Variants in DNMT3B observed in about 807,000 individuals in gnomAD.
DNMT3B encodes the protein DNA methyltransferase 3 beta, also known as DNA (cytosine-5)-methyltransferase 3B.
A neutral mutation model predicts 120.2 loss-of-function variants in DNMT3B; 37 were observed. The observed-to-expected ratio is 0.31, with a 90% CI of 0.24 to 0.40. The LOEUF is 0.40. Ranked by LOEUF, DNMT3B falls within the 10% of genes least tolerant of loss-of-function variation. The pLI, the probability that DNMT3B is intolerant of heterozygous loss-of-function variation, is 1.00. For missense variants in DNMT3B, 878 were observed against 1,137.3 expected, an observed-to-expected ratio of 0.77 and a Z score of 3.28; for synonymous variants, 412 against 442.8, an observed-to-expected ratio of 0.93 and a Z score of 0.87.
rs776835342 is a variant in DNMT3B at position 32,784,826 on chromosome 20, C to T, written c.273C>T (p.Phe91=). The change falls in exon 4 of 23, where the codon TTC becomes TTT. Residue 91 remains phenylalanine, a synonymous_variant. Transcript: ENST00000328111. ...GSDTPVMPKL[F]RETRTRSESP... ...ACACCCCAGTCATGCCAAAGCTCTT[C>T]CGGGAAACCAGGACTCGTTCAGAAA... 3 of 1,614,126 alleles carry T rather than the reference C, an allele frequency of 1.9e-6. No individual in the cohort carries two copies. The highest frequency in any genetic ancestry group is 1.7e-5 in the Admixed American group (1 of 60,020).
At position 32,767,118 on chromosome 20, in the gene DNMT3B, C is replaced by T. The variant is rs551138410; in HGVS notation, c.-7+4419C>T. On this transcript the variant is annotated intron_variant, in intron 1 of 22. Coordinates refer to ENST00000328111, the MANE Select transcript of DNMT3B (RefSeq NM_006892.4). The stretch of plus-strand genomic sequence containing the variant: ...TGTTGGTCAGGCTGGTCTCGAACTC[C>T]CAACCTCAGGTGATCTGCCCACCTC... 3.3e-5 allele frequency among the ~76,000 whole-genome samples: 5 copies of T among 151,902 alleles called. No homozygotes were observed. In the South Asian group the frequency reaches 1.0e-3, roughly 32 times the overall value.
intron 20 of DNMT3B, 145 bp downstream of exon 20, chr20:32,802,615 T>C: frequency 1.2e-6 from 1 of 826,398 alleles, no homozygotes; most frequent in South Asian, 1.4e-5. Context: ...TCGTGCGGGT[T>C]GATCTCTGTT....
chr20:32,781,728 C>T (rs142103191), intron 3 of DNMT3B, among the ~76,000 whole-genome samples: 1 of 152,320 alleles, frequency 6.6e-6, no homozygotes, highest in African/African-American at 2.4e-5. Context: ...ACAATTTATA[C>T]ATTTTAAATT....
At chr20:32,774,942 G>A (rs770061421) in intron 1 of DNMT3B, among the ~76,000 whole-genome samples, 6 of 151,654 alleles carry the variant, frequency 4.0e-5, no homozygotes, top group African/African-American at 1.2e-4. Context: ...GGCTGGTCTC[G>A]AACTCCTGGC....
At chr20:32,793,500 TG>T (rs1980232898) in intron 9 of DNMT3B, 35 bp from the exon 10 acceptor site, 2 of 1,609,526 alleles carry the variant, frequency 1.2e-6, no homozygotes, top group Non-Finnish European at 1.7e-6. Flanking sequence ...TTTAATGTAA[TG>T]TTTTTTCTGT....
At chr20:32,788,229 C>A (rs1979559259) in intron 6 of DNMT3B, among the ~76,000 whole-genome samples, 1 of 152,144 alleles carries the variant, frequency 6.6e-6, no homozygotes, top group African/African-American at 2.4e-5. Flanking sequence ...TGATTCTGTT[C>A]ATCAGAGTGC....
Position 32,780,489 on chromosome 20 carries a change from G to T in DNMT3B, c.142+24G>T, listed in dbSNP as rs369669631. ...AGGTGGCTGGGCAGTGGGGACTGGG[G>T]TGGTGTCAGGCGCTGACATAGTGAG... is the stretch of plus-strand genomic sequence containing the variant. On this transcript the variant is annotated intron_variant, in intron 2 of 22. Coordinates refer to ENST00000328111, the MANE Select transcript of DNMT3B (RefSeq NM_006892.4). The T allele has an allele frequency of 4.4e-6, 7 of 1,609,000 alleles. No individual in the cohort carries two copies. In the South Asian group the frequency reaches 5.5e-5, roughly 13 times the overall value.
chr20:32,791,758 G>T, intron 8 of DNMT3B, 50 bp downstream of exon 8: 1 of 1,598,516 alleles, frequency 6.3e-7, no homozygotes, highest in Non-Finnish European at 8.6e-7. Context: ...CAGGGATGAA[G>T]CAAGAGACCC....
At chr20:32,769,772 G>A (rs929330247) in intron 1 of DNMT3B, among the ~76,000 whole-genome samples, 1 of 152,022 alleles carries the variant, frequency 6.6e-6, no homozygotes, top group African/African-American at 2.4e-5. Context: ...TTTTGAGACA[G>A]CATCTCACTC....
rs373987902 is a variant in DNMT3B at position 32,770,233 on chromosome 20, C to T, written c.-7+7534C>T. 5.2e-4 allele frequency among the ~76,000 whole-genome samples: 79 copies of T among 152,232 alleles called. 1 individual carries two copies. Among genetic ancestry groups the T allele is most frequent in the African/African-American group, 1.7e-3 (69 of 41,546 alleles). On this transcript the variant is annotated intron_variant, in intron 1 of 22. Transcript: ENST00000328111. ...GTTCAAACGATTCTTCTGCATCAGC[C>T]TCCTGAGTAGCTGGAATTACAGGTG...
At chr20:32,773,192 C>T (rs1987849120) in intron 1 of DNMT3B, among the ~76,000 whole-genome samples, 1 of 151,720 alleles carries the variant, frequency 6.6e-6, no homozygotes, top group South Asian at 2.1e-4. Context: ...CTGCGACGTC[C>T]ACCTCCCGGG....
intron 20 of DNMT3B, among the ~76,000 whole-genome samples, chr20:32,802,755 T>C (rs963972069): frequency 6.6e-6 from 1 of 152,176 alleles, no homozygotes; most frequent in South Asian, 2.1e-4. Context: ...ATCCCAGCAC[T>C]TTGGGAGGCC....
At chr20:32,800,998 G>A in intron 18 of DNMT3B, 73 bp downstream of exon 18, 1 of 1,566,908 alleles carries the variant, frequency 6.4e-7, no homozygotes. Context: ...GCAGCAGCCT[G>A]AGAAGGAGCC....
At chr20:32,780,159 T>A (rs376242248) in intron 1 of DNMT3B, 159 bp from the exon 2 acceptor site, 3 of 1,613,294 alleles carry the variant, frequency 1.9e-6, no homozygotes, top group Non-Finnish European at 2.5e-6. Flanking sequence ...AGGGGGAGGC[T>A]ATGGGGGGCA....
At chr20:32,780,007 T>A in intron 1 of DNMT3B, 1 of 1,450,704 alleles carries the variant, frequency 6.9e-7, no homozygotes, top group Non-Finnish European at 9.5e-7. Flanking sequence ...TGGCATTGTT[T>A]GAAGGGGCCG....
chr20:32,798,238 C>T (rs1257563737), intron 14 of DNMT3B, among the ~76,000 whole-genome samples: 1 of 152,194 alleles, frequency 6.6e-6, no homozygotes, highest in African/African-American at 2.4e-5. Flanking sequence ...GTCGGGAGAG[C>T]ATTTCTGATC....
intron 1 of DNMT3B, 158 bp from the exon 2 acceptor site, chr20:32,780,160 A>C: frequency 6.2e-7 from 1 of 1,613,512 alleles, no homozygotes; most frequent in Non-Finnish European, 8.5e-7. Flanking sequence ...GGGGGAGGCT[A>C]TGGGGGGCAG....
Position 32,771,146 on chromosome 20 carries a change from T to C in DNMT3B, c.-7+8447T>C, listed in dbSNP as rs1568821171. 3.9e-5 allele frequency among the ~76,000 whole-genome samples: 6 copies of C among 152,318 alleles called. No individual in the cohort carries two copies. In the South Asian group the frequency reaches 1.2e-3, roughly 32 times the overall value. On this transcript the variant is annotated intron_variant, in intron 1 of 22. Coordinates refer to ENST00000328111, the MANE Select transcript of DNMT3B (RefSeq NM_006892.4). The stretch of plus-strand genomic sequence containing the variant: ...GCAAGGACATATTTTCTGGTTACGA[T>C]AGAAATAATTTATTTGAAAGTCTAT...
Position 32,792,328 on chromosome 20 carries a change from A to G in DNMT3B, c.922-298A>G, listed in dbSNP as rs1040312264. 2.4e-4 allele frequency among the ~76,000 whole-genome samples: 37 copies of G among 152,164 alleles called. 1 individual carries two copies. Among genetic ancestry groups the G allele is most frequent in the Admixed American group, 6.5e-5 (1 of 15,268 alleles). On this transcript the variant is annotated intron_variant, in intron 8 of 22. Coordinates refer to ENST00000328111, the MANE Select transcript of DNMT3B (RefSeq NM_006892.4). Reference sequence around the variant, plus strand: ...GCTGGGGCTTCTATATCTTGGTGGTAGAGTTAATTCTGATATGTCTGCCTT... The same window carrying G: ...GCTGGGGCTTCTATATCTTGGTGGTGGAGTTAATTCTGATATGTCTGCCTT...
Sources: allele counts gnomAD v4.1 joint callset (sites outside exome capture counted in the v4.1 genomes callset), GRCh38; gene constraint gnomAD v4.1.1; transcripts MANE v1.5; gene names NCBI Gene and HGNC (gene_info 2026-07-23, HGNC 2026-07-21).